Variants in TBC1D22A observed in about 807,000 individuals in gnomAD.
The protein encoded by TBC1D22A is putative GTPase activator.
TBC1D22A carries 38 observed loss-of-function variants against 60.2 expected under a neutral mutation model. The ratio of observed to expected loss-of-function variants is 0.63; its 90% CI spans 0.49 to 0.83. The LOEUF (loss-of-function observed/expected upper bound fraction) is 0.83. Ranked by LOEUF, TBC1D22A falls within the 40% of genes least tolerant of loss-of-function variation. The probability of loss-of-function intolerance (pLI) is 0.00; values close to 1 mark genes in which losing one functional copy is unlikely to be tolerated. For synonymous variants in TBC1D22A, 302 were observed against 281.7 expected (o/e 1.07, Z -0.72); for missense variants, 628 against 701.0 (o/e 0.90, Z 1.18).
chr22:47,037,869 C>A (rs1435782619), intron 11 of TBC1D22A, among the ~76,000 whole-genome samples: 1 of 152,146 alleles, frequency 6.6e-6, no homozygotes, highest in African/African-American at 2.4e-5. Context: ...AAAAAACTCA[C>A]GCTCAGGACT....
intron 12 of TBC1D22A, among the ~76,000 whole-genome samples, chr22:47,157,636 G>C (rs565292576): frequency 2.6e-5 from 4 of 152,214 alleles, no homozygotes; most frequent in Admixed American, 2.0e-4. Context: ...CGTGAGCTCC[G>C]TGTGGCCGTG....
intron 4 of TBC1D22A, among the ~76,000 whole-genome samples, chr22:46,877,182 C>T (rs369941598): frequency 1.3e-5 from 2 of 152,228 alleles, no homozygotes; most frequent in East Asian, 1.9e-4. Context: ...CTCTGAGGCT[C>T]TTTCATATAC....
intron 11 of TBC1D22A, among the ~76,000 whole-genome samples, chr22:47,080,560 T>A (rs1013547255): frequency 3.3e-5 from 5 of 152,098 alleles, no homozygotes; most frequent in Non-Finnish European, 7.4e-5. Flanking sequence ...TATAAAAATG[T>A]AACCTTTGAA....
chr22:47,136,938 C>T (rs542732590), intron 12 of TBC1D22A, among the ~76,000 whole-genome samples: 59 of 152,326 alleles, frequency 3.9e-4, no homozygotes, highest in African/African-American at 1.4e-3. Context: ...TCCCAGTCGC[C>T]CCGGGGCTGT....
intron 11 of TBC1D22A, among the ~76,000 whole-genome samples, chr22:47,089,564 G>A (rs2147606989): frequency 6.6e-6 from 1 of 152,350 alleles, no homozygotes; most frequent in East Asian, 1.9e-4. Context: ...TGGCCTGGGT[G>A]AGCTCGTGTG....
intron 1 of TBC1D22A, among the ~76,000 whole-genome samples, chr22:46,787,524 A>G (rs968380645): frequency 1.3e-5 from 2 of 152,208 alleles, no homozygotes; most frequent in African/African-American, 4.8e-5. Context: ...GCTTTCATAC[A>G]GTGAAACCCC....
chr22:46,979,877 G>C (rs1602778189), intron 9 of TBC1D22A, among the ~76,000 whole-genome samples: 1 of 152,144 alleles, frequency 6.6e-6, no homozygotes, highest in South Asian at 2.1e-4. Flanking sequence ...GGGACCCCCA[G>C]GAGTTGGCTG....
chr22:46,976,708 C>A (rs1281425387), intron 9 of TBC1D22A, among the ~76,000 whole-genome samples: 1 of 152,192 alleles, frequency 6.6e-6, no homozygotes, highest in Admixed American at 6.5e-5. Flanking sequence ...ACATCATCGC[C>A]CTGATTGAAA....
intron 7 of TBC1D22A, among the ~76,000 whole-genome samples, chr22:46,904,879 A>G (rs917413437): frequency 2.7e-5 from 4 of 149,186 alleles, no homozygotes; most frequent in Non-Finnish European, 5.9e-5. Flanking sequence ...GGTTCGCGCC[A>G]TTCTTCTGCC....
intron 12 of TBC1D22A, among the ~76,000 whole-genome samples, chr22:47,158,748 T>C (rs7288121): frequency 0.2 from 30,714 of 152,014 alleles, 4,082 homozygotes; most frequent in African/African-American, 0.38. Context: ...GCCTCACATC[T>C]CAGGAAGATA....
intron 9 of TBC1D22A, among the ~76,000 whole-genome samples, chr22:46,992,171 T>C (rs1343305225): frequency 6.6e-6 from 1 of 152,238 alleles, no homozygotes; most frequent in East Asian, 1.9e-4. Context: ...GCTGTGATTC[T>C]TCACAGTGCA....
intron 4 of TBC1D22A, among the ~76,000 whole-genome samples, chr22:46,813,878 TC>T (rs1251788684): frequency 6.6e-6 from 1 of 152,178 alleles, no homozygotes; most frequent in Admixed American, 6.5e-5. Context: ...GGACAAGAAA[TC>T]AGATCTAAAA....
rs76191984 is a variant in TBC1D22A at position 47,154,739 on chromosome 22, C to T, written c.1426-18759C>T. Among the ~76,000 whole-genome samples the T allele has an allele frequency of 5.0e-3, 755 of 152,346 alleles. 9 individuals are homozygous for T. The highest frequency in any genetic ancestry group is 0.017 in the African/African-American group (719 of 41,580). ...TGCTCTGGGACATGTGCCCAAGGTC[C>T]GGGATGCCAGAAACACAGCCCACAC... is the stretch of plus-strand genomic sequence containing the variant. On this transcript the variant is annotated intron_variant, in intron 12 of 12. Transcript: ENST00000337137.
chr22:47,001,201 A>T (rs1360627793), intron 10 of TBC1D22A, among the ~76,000 whole-genome samples: 1 of 152,000 alleles, frequency 6.6e-6, no homozygotes, highest in Non-Finnish European at 1.5e-5. Context: ...CTCAGTTATG[A>T]TGATTCTATA....
At chr22:47,114,320 G>T (rs1438734904) in intron 12 of TBC1D22A, among the ~76,000 whole-genome samples, 2 of 152,078 alleles carry the variant, frequency 1.3e-5, no homozygotes, top group African/African-American at 4.8e-5. Flanking sequence ...TGGGGCCCCT[G>T]TGACTTGAGT....
At chr22:47,131,397 C>T (rs73479318) in intron 12 of TBC1D22A, among the ~76,000 whole-genome samples, 7,168 of 152,266 alleles carry the variant, frequency 0.047, 462 homozygotes, top group African/African-American at 0.14. Context: ...AAACCAAGCT[C>T]GTTAATCGGC....
intron 11 of TBC1D22A, among the ~76,000 whole-genome samples, chr22:47,076,353 A>ATGTGTGTGTATATATATATATG (rs2064213369): frequency 1.9e-5 from 2 of 107,774 alleles, no homozygotes; most frequent in African/African-American, 6.6e-5. Context: ...ATATATATAT[A>ATGTGTGTGTATATATATATATG]TGTGTGTGTA....
At chr22:46,801,893 T>G (rs539061795) in intron 4 of TBC1D22A, among the ~76,000 whole-genome samples, 2 of 152,170 alleles carry the variant, frequency 1.3e-5, no homozygotes, top group Non-Finnish European at 2.9e-5. Context: ...TGGGAGGGCA[T>G]GAACAGAAGT....
intron 11 of TBC1D22A, among the ~76,000 whole-genome samples, chr22:47,064,983 TTTTA>T (rs538505929): frequency 0.015 from 2,284 of 152,238 alleles, 47 homozygotes; most frequent in African/African-American, 0.052. Context: ...ATTTATTTTA[TTTTA>T]TTTATTTATT....
Sources: allele counts gnomAD v4.1 joint callset (sites outside exome capture counted in the v4.1 genomes callset), GRCh38; gene constraint gnomAD v4.1.1; transcripts MANE v1.5; gene names NCBI Gene and HGNC (gene_info 2026-07-23, HGNC 2026-07-21).